TARBP1: variants seen among roughly 807,000 people sequenced by gnomAD.
TARBP1 encodes tRNA guanosine 2 -O-methyltransferase TARBP1.
A neutral mutation model predicts 178.6 loss-of-function variants in TARBP1; 144 were observed. The ratio of observed to expected loss-of-function variants is 0.81; its 90% CI spans 0.70 to 0.93. The LOEUF is 0.93. Among genes scored for constraint, TARBP1 ranks in the 40% least tolerant of loss-of-function variants. The pLI, the probability that TARBP1 is intolerant of heterozygous loss-of-function variation, is 0.00. For synonymous variants in TARBP1, 787 were observed against 781.0 expected, an observed-to-expected ratio of 1.01 and a Z score of -0.13; for missense variants, 2,067 against 2,011.7, an observed-to-expected ratio of 1.03 and a Z score of -0.53.
intron 22 of TARBP1, among the ~76,000 whole-genome samples, chr1:234,413,995 G>A (rs1002983348): frequency 2.6e-5 from 4 of 152,144 alleles, no homozygotes; most frequent in African/African-American, 9.7e-5. Context: ...CAAGTTTGAG[G>A]GGAAAAATAA....
At chr1:234,470,715 G>A (rs375199007) in intron 3 of TARBP1, among the ~76,000 whole-genome samples, 1 of 150,722 alleles carries the variant, frequency 6.6e-6, no homozygotes, top group East Asian at 2.0e-4. Context: ...TCCTGGATTC[G>A]AGTGATTCTC....
chr1:234,448,592 C>A lies in TARBP1; in HGVS notation c.1862-13G>T. ...CAGTTTTCTCCTGCTTAAATAACAACAGTTAAGGTTTGCAAAGCATTAACA... is the reference window on the plus strand; with the variant it reads ...CAGTTTTCTCCTGCTTAAATAACAAAAGTTAAGGTTTGCAAAGCATTAACA... On this transcript the variant is annotated splice_polypyrimidine_tract_variant and intron_variant, in intron 10 of 29. Coordinates refer to ENST00000040877, the MANE Select transcript of TARBP1 (RefSeq NM_005646.4). 1 of 1,609,438 alleles carries A rather than the reference C, an allele frequency of 6.2e-7. No homozygotes were observed. Among genetic ancestry groups the A allele is most frequent in the South Asian group, 1.1e-5 (1 of 90,930 alleles).
intron 22 of TARBP1, among the ~76,000 whole-genome samples, chr1:234,412,847 C>T (rs1454650689): frequency 6.6e-6 from 1 of 152,138 alleles, no homozygotes; most frequent in African/African-American, 2.4e-5. Context: ...CCCCGGTCAA[C>T]CAACCCTCCC....
In TARBP1 at chr1:234,405,890, G is replaced by A. The variant is rs745309204; in HGVS notation, c.3989+13C>T. 12 of 1,610,766 alleles carry A rather than the reference G, an allele frequency of 7.4e-6. No individual in the cohort carries two copies. In the Admixed American group the frequency reaches 1.0e-4, roughly 13 times the overall value. Reference sequence around the variant, plus strand: ...GGAGAGTGAGGGCGATGAGGTTGACGAGGGCTCCTTACCCTGCTCCGTGCA... The same window carrying A: ...GGAGAGTGAGGGCGATGAGGTTGACAAGGGCTCCTTACCCTGCTCCGTGCA... On this transcript the variant is annotated intron_variant, in intron 24 of 29. Coordinates refer to ENST00000040877, the MANE Select transcript of TARBP1 (RefSeq NM_005646.4).
Position 234,405,971 on chromosome 1 carries a change from T to G in TARBP1, c.3921A>C (p.Glu1307Asp). ...TCACAGGAGTCAGGGCATCAAATTC[T>G]TCAACACTTAACACTTTACACACAG... ...LWTVCKVLSV[E>D]EFDALTPVIE... Residue 1307 changes from glutamate to aspartate, a missense_variant, in exon 24 of 30, where the codon GAA (glutamate) becomes GAC (aspartate). Transcript: ENST00000040877. The G allele has an allele frequency of 1.5e-5, 24 of 1,614,164 alleles. No homozygotes were observed. The highest frequency in any genetic ancestry group is 2.0e-5 in the Non-Finnish European group (24 of 1,180,016).
In TARBP1 at chr1:234,456,722, G is replaced by A. The variant is rs189525878; in HGVS notation, c.1722+945C>T. Among the ~76,000 whole-genome samples, 1,081 of 152,158 alleles carry A rather than the reference G, an allele frequency of 7.1e-3. 6 individuals are homozygous for A. Among genetic ancestry groups the A allele is most frequent in the Non-Finnish European group, 0.012 (796 of 68,014 alleles). On this transcript the variant is annotated intron_variant, in intron 9 of 29. Coordinates refer to ENST00000040877, the MANE Select transcript of TARBP1 (RefSeq NM_005646.4). The stretch of plus-strand genomic sequence containing the variant: ...CACATATACTTATCTATAATGAGAA[G>A]GCAAGTAAGAGAATACGTATATTCA...
chr1:234,398,389 T>C lies in TARBP1; in HGVS notation c.4236A>G (p.Gln1412=), dbSNP rs769872957. The change falls in exon 26 of 30, where the codon CAA becomes CAG. Residue 1412 remains glutamine (Q), a synonymous_variant. Transcript: ENST00000040877. ...ATGAAAATTATTTTTTACCTATGTC[T>C]TGCTGAGACCAGTCACCTGGTTTTA... ...SKLKPGDWSQ[Q]DIGTNLVEAD... is the part of the protein sequence containing the mutation. 6.2e-7 allele frequency: 1 copy of C among 1,600,720 alleles called. No individual in the cohort carries two copies. Among genetic ancestry groups the C allele is most frequent in the Non-Finnish European group, 8.5e-7 (1 of 1,172,800 alleles).
At position 234,467,550 on chromosome 1, in the gene TARBP1, CA is replaced by C. The variant is rs1437861948; in HGVS notation, c.1199del (p.Leu400TrpfsTer23). On this transcript the variant is annotated frameshift_variant, in exon 4 of 30. Coordinates refer to ENST00000040877, the MANE Select transcript of TARBP1 (RefSeq NM_005646.4). LOFTEE classifies it high-confidence loss of function. ...ILSKEGVIHF[L>X]ELYETKILPF... ...GAAGAATCTTTGTTTCATACAGCTCCAAAAAATGGATAACACCTTCTTTGGA... is the reference window on the plus strand; with the variant it reads ...GAAGAATCTTTGTTTCATACAGCTCCAAAAATGGATAACACCTTCTTTGGA... 2 of 1,605,126 alleles carry C rather than the reference CA, an allele frequency of 1.2e-6. No homozygotes were observed. Among genetic ancestry groups the C allele is most frequent in the Admixed American group, 1.7e-5 (1 of 57,648 alleles).
At chr1:234,418,389 T>C (rs1428005961) in intron 21 of TARBP1, among the ~76,000 whole-genome samples, 156 bp from the exon 22 acceptor site, 1 of 152,230 alleles carries the variant, frequency 6.6e-6, no homozygotes, top group Non-Finnish European at 1.5e-5. Flanking sequence ...CTGATTAAAA[T>C]ATAATGATGA....
intron 6 of TARBP1, among the ~76,000 whole-genome samples, chr1:234,463,343 C>T (rs533564997): frequency 4.6e-5 from 7 of 152,206 alleles, no homozygotes; most frequent in South Asian, 4.1e-4. Context: ...AGGTTGGTCT[C>T]GAACTCCTGA....
At chr1:234,427,231 T>C (rs1572284999) in intron 19 of TARBP1, 86 bp downstream of exon 19, 3 of 912,084 alleles carry the variant, frequency 3.3e-6, no homozygotes, top group Non-Finnish European at 5.1e-6. Flanking sequence ...ACTTATTAAA[T>C]TTAGCAAATA....
chr1:234,429,571 G>C lies in TARBP1; in HGVS notation c.2716C>G (p.Leu906Val), dbSNP rs1034306854. 2.2e-5 allele frequency: 35 copies of C among 1,614,046 alleles called. No individual in the cohort carries two copies. Among genetic ancestry groups the C allele is most frequent in the African/African-American group, 4.0e-5 (3 of 74,922 alleles). The part of the protein sequence containing the change: ...LSFLLKKYHT[L>V]IPTTGSEILE... Reference sequence around the variant, plus strand: ...ATTTCACTCCCTGTGGTTGGTATAAGGGTGTGATATTTTTTCAACAGGAAA... The same window carrying C: ...ATTTCACTCCCTGTGGTTGGTATAACGGTGTGATATTTTTTCAACAGGAAA... Residue 906 changes from leucine to valine, a missense_variant, in exon 16 of 30, where the codon CTT becomes GTT. Coordinates refer to ENST00000040877, the MANE Select transcript of TARBP1 (RefSeq NM_005646.4).
chr1:234,456,762 T>C (rs1667327186), intron 9 of TARBP1, among the ~76,000 whole-genome samples: 1 of 152,298 alleles, frequency 6.6e-6, no homozygotes, highest in South Asian at 2.1e-4. Flanking sequence ...GAAAAAGAAC[T>C]AAAAACTAAA....
rs1374624743 is a variant in TARBP1, at chr1:234,429,680, G to A, written c.2610-3C>T. 6.4e-7 allele frequency: 1 copy of A among 1,558,416 alleles called. No homozygotes were observed. Among genetic ancestry groups the A allele is most frequent in the South Asian group, 1.2e-5 (1 of 85,938 alleles). On this transcript the variant is annotated splice_region_variant and splice_polypyrimidine_tract_variant and intron_variant, in intron 15 of 29. Transcript: ENST00000040877. Reference sequence around the variant, plus strand: ...AAGATGACGATTCTTCCAAAACACTGAAATAAAAAATAAAGTTACTAGGCC... The same window carrying A: ...AAGATGACGATTCTTCCAAAACACTAAAATAAAAAATAAAGTTACTAGGCC...
intron 13 of TARBP1, among the ~76,000 whole-genome samples, chr1:234,436,802 C>T (rs557217108): frequency 6.6e-6 from 1 of 152,242 alleles, no homozygotes; most frequent in African/African-American, 2.4e-5. Flanking sequence ...CCCAAAAGAA[C>T]AAATTATGTA....
chr1:234,396,948 T>G (rs1468562001), intron 26 of TARBP1, among the ~76,000 whole-genome samples: 1 of 151,546 alleles, frequency 6.6e-6, no homozygotes, highest in East Asian at 2.0e-4. Flanking sequence ...CTGGCAAACA[T>G]GTGGCACAGA....
chr1:234,402,545 A>G (rs1415256143), intron 24 of TARBP1, among the ~76,000 whole-genome samples: 1 of 152,138 alleles, frequency 6.6e-6, no homozygotes, highest in Admixed American at 6.5e-5. Flanking sequence ...AATATATGTT[A>G]ATGTATCATC....
intron 28 of TARBP1, among the ~76,000 whole-genome samples, chr1:234,392,940 C>T (rs369139658): frequency 5.3e-5 from 8 of 152,024 alleles, no homozygotes; most frequent in African/African-American, 1.7e-4. Context: ...AGGATGGTCT[C>T]GATCTCCTGA....
intron 22 of TARBP1, among the ~76,000 whole-genome samples, chr1:234,416,614 T>C (rs952078167): frequency 6.6e-6 from 1 of 152,228 alleles, no homozygotes; most frequent in African/African-American, 2.4e-5. Context: ...TGTCATTTCT[T>C]AGTGGTGTGA....
Sources: allele counts gnomAD v4.1 joint callset (sites outside exome capture counted in the v4.1 genomes callset), GRCh38; gene constraint gnomAD v4.1.1; transcripts MANE v1.5; gene names NCBI Gene and HGNC (gene_info 2026-07-23, HGNC 2026-07-21).